EML5: variants seen among roughly 807,000 people sequenced by gnomAD.
The protein encoded by EML5 is EMAP like 5.
A neutral mutation model predicts 250.0 loss-of-function variants in EML5; 120 were observed. That is an observed-to-expected ratio of 0.48 (90% confidence interval 0.41 to 0.56). EML5 has a LOEUF of 0.56. Among genes scored for constraint, EML5 ranks in the 20% least tolerant of loss-of-function variants. EML5 has a pLI of 0.00. For synonymous variants in EML5, 771 were observed against 806.5 expected (o/e 0.96, Z 0.75); for missense variants, 2,006 against 2,437.6 (o/e 0.82, Z 3.73).
intron 3 of EML5, among the ~76,000 whole-genome samples, chr14:88,745,023 T>C (rs551268724): frequency 9.9e-5 from 15 of 152,270 alleles, no homozygotes; most frequent in Non-Finnish European, 1.6e-4. Flanking sequence ...AAAAACTCCA[T>C]TGACAGTGTC....
chr14:88,684,974 T>A, intron 20 of EML5, 41 bp downstream of exon 20: 2 of 1,552,164 alleles, frequency 1.3e-6, no homozygotes, highest in East Asian at 2.3e-5. Context: ...AATAATCAAT[T>A]GTATGTAAAG....
chr14:88,776,835 T>C (rs1452171195), intron 1 of EML5, among the ~76,000 whole-genome samples: 3 of 152,004 alleles, frequency 2.0e-5, no homozygotes, highest in Non-Finnish European at 4.4e-5. Context: ...GAGCTGAGAT[T>C]ATACTGCTGC....
Position 88,739,041 on chromosome 14 carries a change from C to T in EML5, c.712-27G>A, listed in dbSNP as rs149028423. 4.9e-3 allele frequency: 7,725 copies of T among 1,568,100 alleles called. 32 individuals are homozygous for T. The highest frequency in any genetic ancestry group is 5.8e-3 in the Non-Finnish European group (6,719 of 1,162,666). On this transcript the variant is annotated intron_variant, in intron 5 of 43. Transcript: ENST00000554922. ...TAGAAGAGGAAATAAAATAATTTAA[C>T]GACAAATATTTTTTAAGAACATCTA...
chr14:88,626,616 CA>C (rs34372433), intron 35 of EML5: 170,069 of 462,986 alleles, frequency 0.37, 5,635 homozygotes, highest in East Asian at 0.41. Context: ...GATACTGTGT[CA>C]AAAAAAAAAA....
rs535373710 is a variant in EML5, at chr14:88,691,671, T to C, written c.2539+2636A>G. 3.8e-4 allele frequency among the ~76,000 whole-genome samples: 58 copies of C among 152,310 alleles called. No individual in the cohort carries two copies. In the South Asian group the frequency reaches 7.7e-3, roughly 20 times the overall value. On this transcript the variant is annotated intron_variant, in intron 17 of 43. Transcript: ENST00000554922. The stretch of plus-strand genomic sequence containing the variant: ...CTGGAATGGGAGGCAAGAAGCCCCA[T>C]GTTAACCTCAAGCCTAAGTCATCTC...
At chr14:88,665,908 A>C (rs889192442) in intron 21 of EML5, among the ~76,000 whole-genome samples, 1 of 135,410 alleles carries the variant, frequency 7.4e-6, no homozygotes, top group Admixed American at 7.2e-5. Context: ...ACCTTGCCTC[A>C]AAAAAAAAAA....
intron 1 of EML5, among the ~76,000 whole-genome samples, chr14:88,788,456 A>G (rs1372925589): frequency 1.3e-5 from 2 of 151,998 alleles, no homozygotes; most frequent in South Asian, 4.2e-4. Flanking sequence ...GCAACCATAT[A>G]GTGTGGTATA....
At chr14:88,634,059 A>T (rs2090588613) in intron 33 of EML5, among the ~76,000 whole-genome samples, 1 of 152,224 alleles carries the variant, frequency 6.6e-6, no homozygotes, top group Non-Finnish European at 1.5e-5. Context: ...CCCAAATCGC[A>T]CATTGAATTG....
chr14:88,649,828 G>C, intron 28 of EML5, 84 bp downstream of exon 28: 2 of 1,123,076 alleles, frequency 1.8e-6, no homozygotes, highest in Non-Finnish European at 2.5e-6. Flanking sequence ...ATGTTTTATA[G>C]GGAAAAAATA....
chr14:88,752,226 C>A (rs1336856847), intron 2 of EML5, among the ~76,000 whole-genome samples: 1 of 151,956 alleles, frequency 6.6e-6, no homozygotes, highest in Non-Finnish European at 1.5e-5. Context: ...CTCAGCAATG[C>A]AATATATTAC....
At chr14:88,775,302 A>T (rs1290285615) in intron 1 of EML5, among the ~76,000 whole-genome samples, 2 of 152,152 alleles carry the variant, frequency 1.3e-5, no homozygotes, top group Admixed American at 6.5e-5. Context: ...TAGATCACCA[A>T]GTGGGATCTT....
chr14:88,663,204 G>A, intron 23 of EML5, 85 bp from the exon 24 acceptor site: 3 of 880,252 alleles, frequency 3.4e-6, no homozygotes, highest in Non-Finnish European at 4.8e-6. Context: ...AGTTTTATGG[G>A]AAAAAATCAG....
intron 13 of EML5, among the ~76,000 whole-genome samples, chr14:88,703,488 T>C (rs1381813135): frequency 3.9e-5 from 6 of 152,218 alleles, no homozygotes; most frequent in South Asian, 2.1e-4. Flanking sequence ...AATCTTAAAA[T>C]GGTCAATATA....
In EML5 at chr14:88,750,245, C is replaced by G. The variant is rs1032525587; in HGVS notation, c.358-3962G>C. Among the ~76,000 whole-genome samples the G allele has an allele frequency of 3.3e-5, 5 of 152,134 alleles. 1 individual carries two copies. Among genetic ancestry groups the G allele is most frequent in the Admixed American group, 3.3e-4 (5 of 15,274 alleles). On this transcript the variant is annotated intron_variant, in intron 2 of 43. Transcript: ENST00000554922. ...GACTTTGGACAATTATTTAGCCTCC[C>G]TGTACCTTACTTTCTTCACCTATTA...
In EML5 at chr14:88,658,330, C is replaced by T. The variant is rs1438993837; in HGVS notation, c.3734G>A (p.Arg1245His). The change falls in exon 26 of 44, where the codon CGC becomes CAC. Residue 1245 changes from arginine (R) to histidine (H), a missense_variant. Coordinates refer to ENST00000554922, the MANE Select transcript of EML5 (RefSeq NM_183387.3). ...VAHSTHVTNV[R>H]WTYDDSMLVT... is the part of the protein sequence containing the mutation. ...CAACATGCTGTCATCATAAGTCCAG[C>T]GAACATTTGTGACATGTGTACTATG... 5.6e-6 allele frequency: 9 copies of T among 1,613,622 alleles called. No individual in the cohort carries two copies. The highest frequency in any genetic ancestry group is 2.2e-5 in the East Asian group (1 of 44,866).
chr14:88,616,439 G>A (rs1216389877), intron 42 of EML5, 197 bp from the exon 43 acceptor site: 2 of 621,856 alleles, frequency 3.2e-6, no homozygotes, highest in Non-Finnish European at 5.6e-6. Context: ...ATGTCTCCAG[G>A]TACTCTGACC....
At chr14:88,624,836 A>G in intron 36 of EML5, 134 bp downstream of exon 36, 1 of 955,862 alleles carries the variant, frequency 1.0e-6, no homozygotes, top group Non-Finnish European at 1.5e-6. Context: ...ATAAAAGGTA[A>G]TAAAGGAGAA....
chr14:88,675,460 A>G (rs1456690120), intron 21 of EML5, among the ~76,000 whole-genome samples: 1 of 152,196 alleles, frequency 6.6e-6, no homozygotes, highest in Non-Finnish European at 1.5e-5. Context: ...TTAGCTATGG[A>G]TGGAGCTGCT....
At chr14:88,624,638 A>G (rs2089633903) in intron 36 of EML5, 1 of 223,148 alleles carries the variant, frequency 4.5e-6, no homozygotes, top group African/African-American at 2.3e-5. Context: ...CAGTCAAAAT[A>G]CAACCCTGGC....
Sources: allele counts gnomAD v4.1 joint callset (sites outside exome capture counted in the v4.1 genomes callset), GRCh38; gene constraint gnomAD v4.1.1; transcripts MANE v1.5; gene names NCBI Gene and HGNC (gene_info 2026-07-23, HGNC 2026-07-21).